Variants in VEPH1 observed in about 807,000 individuals in gnomAD.
The protein encoded by VEPH1 is ventricular zone expressed PH domain containing 1, also known as ventricular zone-expressed PH domain-containing protein homolog 1.
In VEPH1, 80 loss-of-function variants were observed where a neutral mutation model predicts 85.2. The observed-to-expected ratio is 0.94, with a 90% confidence interval of 0.78 to 1.13. The LOEUF (loss-of-function observed/expected upper bound fraction) is 1.13, where lower values mean the gene tolerates loss of function less well. VEPH1 is among the 50% of genes most tolerant of loss of function. The pLI, the probability that VEPH1 is intolerant of heterozygous loss-of-function variation, is 0.00. For missense variants in VEPH1, 955 were observed against 980.5 expected (o/e 0.97, Z 0.35); for synonymous variants, 297 against 348.0 (o/e 0.85, Z 1.63).
intron 11 of VEPH1, among the ~76,000 whole-genome samples, chr3:157,304,038 T>TATATATAC: frequency 2.1e-4 from 20 of 96,918 alleles, no homozygotes; most frequent in African/African-American, 5.8e-4. Flanking sequence ...TATATATATA[T>TATATATAC]ACACACATAC....
intron 9 of VEPH1, among the ~76,000 whole-genome samples, chr3:157,339,240 C>T (rs897340500): frequency 6.6e-6 from 1 of 152,188 alleles, no homozygotes; most frequent in Non-Finnish European, 1.5e-5. Flanking sequence ...GACCTGAGAC[C>T]CCCACGGCCT....
chr3:157,349,261 A>G (rs1416971625), intron 9 of VEPH1, among the ~76,000 whole-genome samples: 1 of 152,276 alleles, frequency 6.6e-6, no homozygotes, highest in East Asian at 1.9e-4. Flanking sequence ...AAATTATATC[A>G]ATAGAATTAA....
In VEPH1 at chr3:157,405,372, T is replaced by C. The variant is rs73873679; in HGVS notation, c.906+8509A>G. Among the ~76,000 whole-genome samples the C allele has an allele frequency of 4.2e-3, 640 of 152,292 alleles. 7 individuals are homozygous for C. The highest frequency in any genetic ancestry group is 0.015 in the African/African-American group (605 of 41,564). On this transcript the variant is annotated intron_variant, in intron 6 of 13. Coordinates refer to ENST00000362010, the MANE Select transcript of VEPH1 (RefSeq NM_001167912.2). ...TTTGTCCTTTCGCCAGCTCTTTAGT[T>C]TCTTGGGAACGCTAAGGTACATAGG... is the stretch of plus-strand genomic sequence containing the variant.
intron 12 of VEPH1, among the ~76,000 whole-genome samples, chr3:157,275,587 C>CAA (rs144274851): frequency 0.23 from 35,266 of 150,876 alleles, 4,214 homozygotes; most frequent in Non-Finnish European, 0.27. Flanking sequence ...AAAAAACCAA[C>CAA]AAAAAATATA....
At chr3:157,287,369 T>C (rs1250399252) in intron 11 of VEPH1, among the ~76,000 whole-genome samples, 3 of 151,288 alleles carry the variant, frequency 2.0e-5, no homozygotes, top group African/African-American at 7.3e-5. Context: ...AGTGAGACCC[T>C]GTCTCAAAAA....
At chr3:157,311,123 C>G (rs574687512) in intron 11 of VEPH1, among the ~76,000 whole-genome samples, 3 of 152,174 alleles carry the variant, frequency 2.0e-5, no homozygotes, top group Non-Finnish European at 4.4e-5. Flanking sequence ...ACACAATGGT[C>G]AATACAGCAA....
chr3:157,502,234 T>C (rs751549290), intron 1 of VEPH1, among the ~76,000 whole-genome samples: 66 of 152,190 alleles, frequency 4.3e-4, no homozygotes, highest in Non-Finnish European at 7.6e-4. Flanking sequence ...ATTTCATAAG[T>C]ACATGAAAAA....
chr3:157,280,067 G>A (rs903215917), intron 12 of VEPH1, among the ~76,000 whole-genome samples: 2 of 149,468 alleles, frequency 1.3e-5, no homozygotes, highest in African/African-American at 2.5e-5. Flanking sequence ...CTTTTAAATA[G>A]GTGTATTTGT....
At chr3:157,368,034 CTTT>C (rs1726926562) in intron 7 of VEPH1, among the ~76,000 whole-genome samples, 1 of 152,128 alleles carries the variant, frequency 6.6e-6, no homozygotes, top group African/African-American at 2.4e-5. Context: ...GGAAATCCTT[CTTT>C]TGTTTGTTGT....
chr3:157,491,323 G>A (rs1739193709), intron 2 of VEPH1, among the ~76,000 whole-genome samples: 1 of 152,140 alleles, frequency 6.6e-6, no homozygotes, highest in East Asian at 1.9e-4. Context: ...ATGGAAAGGT[G>A]GGAGAAGTGG....
At chr3:157,321,023 T>C (rs140764459) in intron 9 of VEPH1, among the ~76,000 whole-genome samples, 1 of 152,248 alleles carries the variant, frequency 6.6e-6, no homozygotes, top group African/African-American at 2.4e-5. Flanking sequence ...TGCCATTATA[T>C]ATATATATTT....
chr3:157,425,751 T>C (rs1337186988), intron 5 of VEPH1, among the ~76,000 whole-genome samples: 66 of 152,068 alleles, frequency 4.3e-4, no homozygotes, highest in Non-Finnish European at 8.8e-5. Flanking sequence ...AGTTAAAACT[T>C]TGGGGGACTG....
chr3:157,377,186 A>G (rs1398673382), intron 7 of VEPH1, among the ~76,000 whole-genome samples: 1 of 152,070 alleles, frequency 6.6e-6, no homozygotes, highest in African/African-American at 2.4e-5. Flanking sequence ...TGAGAGAAGT[A>G]TTTTCAATTG....
At chr3:157,433,497 G>A (rs1223272984) in intron 4 of VEPH1, among the ~76,000 whole-genome samples, 1 of 152,132 alleles carries the variant, frequency 6.6e-6, no homozygotes, top group African/African-American at 2.4e-5. Context: ...AACTGTTAAT[G>A]TAATAAGTTA....
Position 157,260,904 on chromosome 3 carries a change from A to C in VEPH1, c.*230T>G. The C allele has an allele frequency of 3.7e-6, 2 of 538,908 alleles. No individual in the cohort carries two copies. Among genetic ancestry groups the C allele is most frequent in the Non-Finnish European group, 3.2e-6 (1 of 314,164 alleles). The allele number at this position is 538,908 out of a possible 1,614,324, so 33.4% of individuals were successfully genotyped here. A position where few individuals can be genotyped will look rare whatever the true frequency, so the allele number is the denominator to read the frequency against. ...CATACTCTGTAGCTCCTTTTATTTT[A>C]TTTTATTTTTGTGGGCATCAGATAT... On this transcript the variant is annotated 3_prime_UTR_variant, in exon 14 of 14. Coordinates refer to ENST00000362010, the MANE Select transcript of VEPH1 (RefSeq NM_001167912.2).
rs140277345 is a variant in VEPH1 at position 157,312,900 on chromosome 3, ATTTTTT to A, written c.2010+715_2010+720del. The stretch of plus-strand genomic sequence containing the variant: ...TATGCCTGGCTAATTAAAAAAAAAC[ATTTTTT>A]TTTTTTTTTTTTTTTTGAGATGGAG... On this transcript the variant is annotated intron_variant, in intron 11 of 13. Transcript: ENST00000362010. 8.2e-5 allele frequency among the ~76,000 whole-genome samples: 8 copies of A among 98,102 alleles called. 1 individual carries two copies. The highest frequency in any genetic ancestry group is 2.9e-4 in the African/African-American group (7 of 23,982). 64.4% of individuals were successfully genotyped at this position (98,102 alleles called of 152,430 possible).
intron 5 of VEPH1, among the ~76,000 whole-genome samples, chr3:157,421,434 G>C (rs1408990869): frequency 6.6e-6 from 1 of 152,148 alleles, no homozygotes; most frequent in Non-Finnish European, 1.5e-5. Flanking sequence ...AATGCAGGCA[G>C]GGAAGCTCTA....
chr3:157,342,813 T>C (rs1332341486), intron 9 of VEPH1, among the ~76,000 whole-genome samples: 1 of 152,124 alleles, frequency 6.6e-6, no homozygotes, highest in Non-Finnish European at 1.5e-5. Context: ...AGAACAGAAA[T>C]TATAACAAAC....
chr3:157,305,500 T>A (rs1363199441), intron 11 of VEPH1, among the ~76,000 whole-genome samples: 4 of 152,224 alleles, frequency 2.6e-5, no homozygotes, highest in Admixed American at 1.3e-4. Flanking sequence ...AATTTCATTC[T>A]CCTATCTTTA....
Sources: gnomAD v4.1 joint callset for allele counts (sites outside exome capture counted in the v4.1 genomes callset) on GRCh38, gnomAD v4.1.1 for gene constraint, MANE v1.5 for transcripts, NCBI Gene and HGNC (gene_info 2026-07-23, HGNC 2026-07-21) for gene names.